CSMD3: variants seen among roughly 807,000 people sequenced by gnomAD.
The protein encoded by CSMD3 is CUB and sushi domain-containing protein 3.
A neutral mutation model predicts 435.2 loss-of-function variants in CSMD3; 177 were observed. The observed-to-expected ratio is 0.41, with a 90% CI of 0.36 to 0.46. CSMD3 has a LOEUF of 0.46. CSMD3 is among the 20% of genes least tolerant of loss of function. The pLI is 0.34. For missense variants in CSMD3, 4,265 were observed against 4,504.6 expected (o/e 0.95, Z 1.52); for synonymous variants, 1,656 against 1,520.5 (o/e 1.09, Z -2.07).
intron 1 of CSMD3, among the ~76,000 whole-genome samples, chr8:113,362,918 G>T (rs2094286768): frequency 2.0e-5 from 3 of 152,136 alleles, no homozygotes; most frequent in African/African-American, 7.2e-5. Flanking sequence ...AAGTTTGGGA[G>T]GGTTTAACTT....
intron 62 of CSMD3, 91 bp from the exon 63 acceptor site, chr8:112,254,417 T>G: frequency 1.1e-6 from 1 of 874,228 alleles, no homozygotes; most frequent in Non-Finnish European, 2.0e-6. Flanking sequence ...ATCTGGGGTT[T>G]GGTACAAAGG....
rs756849863 is a variant in CSMD3 at position 112,920,987 on chromosome 8, A to ACGTG, written c.1633+639_1633+640insCACG. The stretch of plus-strand genomic sequence containing the variant: ...TTTATATATATATATGTACACACAT[A>ACGTG]CGCGCGCGCGCACACACACACACAC... On this transcript the variant is annotated intron_variant, in intron 10 of 70. Transcript: ENST00000297405. Among the ~76,000 whole-genome samples the ACGTG allele has an allele frequency of 3.8e-3, 450 of 118,536 alleles. 14 individuals are homozygous for ACGTG. The highest frequency in any genetic ancestry group is 0.026 in the Admixed American group (283 of 11,076). The allele number at this position is 118,536 out of a possible 152,430, so 77.8% of individuals were successfully genotyped here. A position where few individuals can be genotyped will look rare whatever the true frequency, so the allele number is the denominator to read the frequency against.
At chr8:113,380,906 G>GA (rs201965235) in intron 1 of CSMD3, among the ~76,000 whole-genome samples, 76 of 148,720 alleles carry the variant, frequency 5.1e-4, no homozygotes, top group African/African-American at 1.6e-3. Flanking sequence ...TAAACCAAAA[G>GA]AAAAAAAAAT....
chr8:113,318,926 A>G (rs909780461), intron 1 of CSMD3, among the ~76,000 whole-genome samples: 6 of 151,116 alleles, frequency 4.0e-5, no homozygotes, highest in Non-Finnish European at 8.9e-5. Context: ...TACACATTTC[A>G]TTTTCTTTAT....
At chr8:112,686,455 T>C (rs2076013195) in intron 14 of CSMD3, among the ~76,000 whole-genome samples, 1 of 152,040 alleles carries the variant, frequency 6.6e-6, no homozygotes, top group South Asian at 2.1e-4. Flanking sequence ...AGTTTAAGTA[T>C]TGATATATTA....
chr8:112,334,856 T>TGTAA (rs1680826685), intron 45 of CSMD3, among the ~76,000 whole-genome samples: 1 of 152,176 alleles, frequency 6.6e-6, no homozygotes, highest in Non-Finnish European at 1.5e-5. Flanking sequence ...CACTTAAAAC[T>TGTAA]GTAAGATTCT....
intron 13 of CSMD3, among the ~76,000 whole-genome samples, chr8:112,765,816 A>C (rs2077964321): frequency 6.6e-6 from 1 of 151,868 alleles, no homozygotes; most frequent in Non-Finnish European, 1.5e-5. Context: ...TCTCCTAGGT[A>C]TATTTTTCAG....
chr8:112,288,307 G>A (rs1214650449), intron 57 of CSMD3, among the ~76,000 whole-genome samples: 2 of 151,944 alleles, frequency 1.3e-5, no homozygotes, highest in African/African-American at 4.8e-5. Flanking sequence ...GCATGTATAA[G>A]CAGTTATCTG....
intron 13 of CSMD3, among the ~76,000 whole-genome samples, chr8:112,690,591 C>A (rs866208225): frequency 4.0e-5 from 6 of 149,534 alleles, no homozygotes; most frequent in African/African-American, 4.9e-5. Context: ...AACTAGACCC[C>A]CCCCCCCAAC....
chr8:112,571,068 C>T (rs765496740), intron 24 of CSMD3, among the ~76,000 whole-genome samples: 10 of 152,058 alleles, frequency 6.6e-5, no homozygotes, highest in Non-Finnish European at 1.2e-4. Flanking sequence ...AGTGCAATGG[C>T]GCAATCTTGG....
At chr8:112,241,102 C>T (rs1221529088) in intron 66 of CSMD3, among the ~76,000 whole-genome samples, 2 of 151,986 alleles carry the variant, frequency 1.3e-5, no homozygotes, top group African/African-American at 4.8e-5. Context: ...GCACTCTGCA[C>T]TTCATTTGCA....
intron 32 of CSMD3, among the ~76,000 whole-genome samples, chr8:112,450,405 G>T (rs1816126773): frequency 6.6e-6 from 1 of 152,218 alleles, no homozygotes; most frequent in African/African-American, 2.4e-5. Context: ...ATCTTCAGAT[G>T]TTAGTTTTCT....
At chr8:112,521,276 T>C (rs1040562097) in intron 27 of CSMD3, among the ~76,000 whole-genome samples, 3 of 151,974 alleles carry the variant, frequency 2.0e-5, no homozygotes, top group African/African-American at 4.8e-5. Context: ...GAAGTTTCTA[T>C]ACAATTGTCT....
At chr8:112,906,889 T>A (rs1386383715) in intron 10 of CSMD3, among the ~76,000 whole-genome samples, 1 of 151,550 alleles carries the variant, frequency 6.6e-6, no homozygotes, top group Non-Finnish European at 1.5e-5. Context: ...AGCTAGTTAA[T>A]GTGTGAATGA....
chr8:112,342,974 T>C (rs1169494836), intron 41 of CSMD3, among the ~76,000 whole-genome samples: 5 of 65,272 alleles, frequency 7.7e-5, no homozygotes, highest in African/African-American at 2.7e-4. Flanking sequence ...AAATGTATTA[T>C]ATATATATAT....
At chr8:113,063,339 T>C (rs914353422) in intron 5 of CSMD3, among the ~76,000 whole-genome samples, 4 of 151,910 alleles carry the variant, frequency 2.6e-5, no homozygotes, top group South Asian at 2.1e-4. Context: ...TGTCAAGTTA[T>C]TTATCCAAAG....
At chr8:113,254,657 T>A (rs1373608008) in intron 3 of CSMD3, among the ~76,000 whole-genome samples, 1 of 152,114 alleles carries the variant, frequency 6.6e-6, no homozygotes, top group Non-Finnish European at 1.5e-5. Context: ...AGTAATGGAG[T>A]CCATCATCTG....
chr8:112,416,516 A>G (rs1352380104), intron 32 of CSMD3, among the ~76,000 whole-genome samples: 2 of 152,216 alleles, frequency 1.3e-5, no homozygotes, highest in East Asian at 3.8e-4. Context: ...ATTTCTTTTT[A>G]AAACTGCCTA....
chr8:112,799,419 G>A (rs989747871), intron 13 of CSMD3, among the ~76,000 whole-genome samples: 2 of 151,884 alleles, frequency 1.3e-5, no homozygotes, highest in Non-Finnish European at 1.5e-5. Context: ...GATAATTCAA[G>A]CAACATAACA....
Sources: gnomAD v4.1 joint callset for allele counts (sites outside exome capture counted in the v4.1 genomes callset) on GRCh38, gnomAD v4.1.1 for gene constraint, MANE v1.5 for transcripts, NCBI Gene and HGNC (gene_info 2026-07-23, HGNC 2026-07-21) for gene names.